The following ABHD3 variants were observed in gnomAD, a reference collection of about 807,000 sequenced individuals.
ABHD3 encodes phospholipase ABHD3.
Under a neutral mutation model 48.8 loss-of-function variants are expected in ABHD3, and 46 were observed. The ratio of observed to expected loss-of-function variants is 0.94; its 90% CI spans 0.74 to 1.20. The LOEUF (loss-of-function observed/expected upper bound fraction) is 1.20, where lower values mean the gene tolerates loss of function less well. Among genes scored for constraint, ABHD3 ranks in the 50% most tolerant of loss-of-function variants. ABHD3 has a pLI of 0.00. For missense variants in ABHD3, 490 were observed against 497.8 expected (o/e 0.98, Z 0.15); for synonymous variants, 192 against 183.7 (o/e 1.04, Z -0.36).
chr18:21,675,139 C>T (rs1298371565), intron 4 of ABHD3, among the ~76,000 whole-genome samples: 1 of 152,050 alleles, frequency 6.6e-6, no homozygotes, highest in Non-Finnish European at 1.5e-5. Context: ...GAAGCCAGTA[C>T]TGAAAGGTCA....
intron 4 of ABHD3, among the ~76,000 whole-genome samples, chr18:21,664,871 G>C (rs1316075744): frequency 1.3e-5 from 2 of 152,204 alleles, no homozygotes; most frequent in Non-Finnish European, 2.9e-5. Context: ...CTGGGTTACA[G>C]TGATTCACCT....
In ABHD3 at chr18:21,691,411, A is replaced by C. The variant is rs140777016; in HGVS notation, c.510-7446T>G. The stretch of plus-strand genomic sequence containing the variant: ...TAGTAACCAAATTTAAATGTACAGA[A>C]CACCACATCCAACAAGAGAATACAC... On this transcript the variant is annotated intron_variant, in intron 3 of 8. Transcript: ENST00000289119. Among the ~76,000 whole-genome samples, 7 of 152,348 alleles carry C rather than the reference A, an allele frequency of 4.6e-5. No individual in the cohort carries two copies. The East Asian group carries it at 1.2e-3, about 25-fold the overall frequency.
intron 3 of ABHD3, among the ~76,000 whole-genome samples, chr18:21,700,952 CAAAAAAAAAAA>C (rs34993965): frequency 4.9e-5 from 4 of 81,664 alleles, no homozygotes; most frequent in Admixed American, 1.5e-4. Flanking sequence ...GATTTGGCCT[CAAAAAAAAAAA>C]AAAAAAAAAA....
At chr18:21,687,655 A>C (rs1480330908) in intron 3 of ABHD3, among the ~76,000 whole-genome samples, 3 of 152,218 alleles carry the variant, frequency 2.0e-5, no homozygotes, top group Non-Finnish European at 4.4e-5. Context: ...TTTTCCCTCA[A>C]AACAAGGAAA....
chr18:21,659,976 T>A (rs1042816333), intron 5 of ABHD3, among the ~76,000 whole-genome samples: 5 of 142,462 alleles, frequency 3.5e-5, no homozygotes, highest in Non-Finnish European at 7.7e-5. Context: ...TTTTTTTTTT[T>A]TTTTTTTTTG....
intron 4 of ABHD3, among the ~76,000 whole-genome samples, chr18:21,679,015 G>A (rs904708662): frequency 3.3e-5 from 5 of 152,160 alleles, no homozygotes; most frequent in African/African-American, 7.2e-5. Context: ...CCACTCCTAG[G>A]AGAACTGCTT....
At chr18:21,659,033 G>T in intron 6 of ABHD3, 137 bp downstream of exon 6, 2 of 800,526 alleles carry the variant, frequency 2.5e-6, no homozygotes. Flanking sequence ...TAGAGACGGG[G>T]TTTCACCATG....
intron 6 of ABHD3, among the ~76,000 whole-genome samples, chr18:21,658,638 T>C (rs116736300): frequency 6.6e-6 from 1 of 152,184 alleles, no homozygotes; most frequent in Non-Finnish European, 1.5e-5. Flanking sequence ...AAGGAAAACA[T>C]TACAACTTTT....
chr18:21,673,289 G>A (rs1309780239), intron 4 of ABHD3, among the ~76,000 whole-genome samples: 1 of 152,098 alleles, frequency 6.6e-6, no homozygotes, highest in Non-Finnish European at 1.5e-5. Context: ...TGGGGGATGG[G>A]GTTCAGGGAT....
At chr18:21,703,833 G>T (rs1182546077) in intron 1 of ABHD3, 86 bp from the exon 2 acceptor site, 19 of 1,395,528 alleles carry the variant, frequency 1.4e-5, no homozygotes, top group Non-Finnish European at 1.5e-5. Flanking sequence ...CTTGTCGCTC[G>T]CGCGCGCGCT....
chr18:21,702,289 GA>G (rs746328709), intron 3 of ABHD3, 26 bp downstream of exon 3: 18 of 1,524,002 alleles, frequency 1.2e-5, no homozygotes, highest in African/African-American at 5.6e-5. Context: ...TGGATCAAGT[GA>G]AAAAAAAGAA....
In ABHD3 at chr18:21,651,763, GCTTC is replaced by G. The variant is rs1308493007; in HGVS notation, c.1058-4_1058-1del. The G allele has an allele frequency of 6.6e-7, 1 of 1,519,868 alleles. No individual in the cohort carries two copies. The highest frequency in any genetic ancestry group is 8.8e-7 in the Non-Finnish European group (1 of 1,132,664). 94.1% of individuals were successfully genotyped at this position (1,519,868 alleles called of 1,614,324 possible). A position where few individuals can be genotyped will look rare whatever the true frequency, so the allele number is the denominator to read the frequency against. On this transcript the variant is annotated splice_acceptor_variant and splice_polypyrimidine_tract_variant and intron_variant, in intron 8 of 8. Coordinates refer to ENST00000289119, the MANE Select transcript of ABHD3 (RefSeq NM_138340.5). LOFTEE classifies it high-confidence loss of function. ...TTGCTTAGCAGTTTCTATTGGAATAGCTTCAGACCAAAAAAAACATGGCAATAAG... is the reference window on the plus strand; with the variant it reads ...TTGCTTAGCAGTTTCTATTGGAATAGAGACCAAAAAAAACATGGCAATAAG...
intron 4 of ABHD3, chr18:21,682,272 T>C (rs994193936): frequency 1.1e-4 from 17 of 152,366 alleles, no homozygotes; most frequent in Middle Eastern, 3.4e-3. Flanking sequence ...ATTATCATCA[T>C]CATCCAGCCA....
chr18:21,700,603 T>C (rs1340998583), intron 3 of ABHD3, among the ~76,000 whole-genome samples: 3 of 151,426 alleles, frequency 2.0e-5, no homozygotes, highest in African/African-American at 4.9e-5. Context: ...TTTCACCATG[T>C]TGGCCAAGTT....
In ABHD3 at chr18:21,658,976, C is replaced by T. The variant is rs552450617; in HGVS notation, c.842+194G>A. On this transcript the variant is annotated intron_variant, in intron 6 of 8. Coordinates refer to ENST00000289119, the MANE Select transcript of ABHD3 (RefSeq NM_138340.5). ...GCCTCAGCCTCCTAAGTAGCTGGGA[C>T]TACAGGCACACATCACCACGGCCAG... Among the ~76,000 whole-genome samples, 26 of 151,916 alleles carry T rather than the reference C, an allele frequency of 1.7e-4. 1 individual carries two copies. In the South Asian group the frequency reaches 5.2e-3, roughly 30 times the overall value.
At chr18:21,680,138 T>A (rs1334329734) in intron 4 of ABHD3, among the ~76,000 whole-genome samples, 1 of 152,138 alleles carries the variant, frequency 6.6e-6, no homozygotes, top group East Asian at 1.9e-4. Flanking sequence ...CTCAGCCTCC[T>A]AAGTAGCTGG....
In ABHD3 at chr18:21,651,518, T is replaced by G. The variant is rs1247455998; in HGVS notation, c.*73A>C. ...GGCTTATTTGCTTTATATACAACAG[T>G]TAAAATTTGTGCACTAAGCTGAGCT... On this transcript the variant is annotated 3_prime_UTR_variant, in exon 9 of 9. Coordinates refer to ENST00000289119, the MANE Select transcript of ABHD3 (RefSeq NM_138340.5). 4 of 1,572,438 alleles carry G rather than the reference T, an allele frequency of 2.5e-6. No individual in the cohort carries two copies. The highest frequency in any genetic ancestry group is 3.5e-6 in the Non-Finnish European group (4 of 1,150,298).
At chr18:21,661,433 T>A (rs2039492746) in intron 5 of ABHD3, among the ~76,000 whole-genome samples, 5 of 151,906 alleles carry the variant, frequency 3.3e-5, no homozygotes, top group Admixed American at 3.3e-4. Context: ...GTCAGGAGTT[T>A]GAGCCAGGCC....
At chr18:21,699,710 C>T (rs1037936660) in intron 3 of ABHD3, among the ~76,000 whole-genome samples, 5 of 152,126 alleles carry the variant, frequency 3.3e-5, no homozygotes, top group African/African-American at 7.2e-5. Flanking sequence ...GATAGAGTTT[C>T]GCTCTTGTTG....
Sources: allele counts gnomAD v4.1 joint callset (sites outside exome capture counted in the v4.1 genomes callset), GRCh38; gene constraint gnomAD v4.1.1; transcripts MANE v1.5; gene names NCBI Gene and HGNC (gene_info 2026-07-23, HGNC 2026-07-21).